The following SEC14L5 variants were observed in gnomAD, a reference collection of about 807,000 sequenced individuals.
SEC14L5 encodes the protein SEC14-like protein 5.
A neutral mutation model predicts 84.6 loss-of-function variants in SEC14L5; 96 were observed. The observed-to-expected ratio is 1.13, with a 90% CI of 0.96 to 1.34. The LOEUF (loss-of-function observed/expected upper bound fraction) is 1.34, where lower values mean the gene tolerates loss of function less well. Among genes scored for constraint, SEC14L5 ranks in the 40% most tolerant of loss-of-function variants. The pLI is 0.00. For synonymous variants in SEC14L5, 546 were observed against 383.4 expected, an observed-to-expected ratio of 1.42 and a Z score of -4.95; for missense variants, 1,224 against 942.5, an observed-to-expected ratio of 1.30 and a Z score of -3.91.
chr16:4,966,723 C>T (rs1400247605), intron 2 of SEC14L5, among the ~76,000 whole-genome samples: 1 of 152,144 alleles, frequency 6.6e-6, no homozygotes, highest in Non-Finnish European at 1.5e-5. Context: ...GGGGACTCAA[C>T]TTCAGGCAGT....
At chr16:5,000,263 C>A (rs183063648) in intron 8 of SEC14L5, among the ~76,000 whole-genome samples, 1 of 152,300 alleles carries the variant, frequency 6.6e-6, no homozygotes, top group African/African-American at 2.4e-5. Context: ...TGCACTCCAG[C>A]CTGGGTGACA....
intron 2 of SEC14L5, 56 bp from the exon 3 acceptor site, chr16:4,987,501 G>C (rs1215131366): frequency 3.5e-6 from 5 of 1,423,738 alleles, no homozygotes; most frequent in African/African-American, 3.1e-5. Flanking sequence ...TCGCGCTGGG[G>C]GGGGGGGTCC....
At position 4,988,230 on chromosome 16, in the gene SEC14L5, A is replaced by T. The variant is rs1955516273; in HGVS notation, c.295A>T (p.Asn99Tyr). 1 of 1,613,638 alleles carries T rather than the reference A, an allele frequency of 6.2e-7. No homozygotes were observed. Among genetic ancestry groups the T allele is most frequent in the Non-Finnish European group, 8.5e-7 (1 of 1,179,748 alleles). ...GAGGACGCTCCTCATCGAAGCGCAC[A>T]ATGAGACCTTCGCCAACCGCGTGGT... ...KERTLLIEAH[N>Y]ETFANRVVVN... is the part of the protein sequence containing the mutation. Residue 99 changes from asparagine (N) to tyrosine (Y), a missense_variant, in exon 4 of 16, where the codon AAT (asparagine) becomes TAT (tyrosine). Transcript: ENST00000251170.
At chr16:4,982,324 G>A (rs1263419074) in intron 2 of SEC14L5, among the ~76,000 whole-genome samples, 1 of 152,190 alleles carries the variant, frequency 6.6e-6, no homozygotes, top group African/African-American at 2.4e-5. Flanking sequence ...TCCGGGGCAC[G>A]TGGGCTGTGA....
In SEC14L5 at chr16:5,008,333, G is replaced by T. The variant is rs992549597; in HGVS notation, c.1573-88G>T. 33 of 917,776 alleles carry T rather than the reference G, an allele frequency of 3.6e-5. No homozygotes were observed. In the African/African-American group the frequency reaches 4.0e-4, roughly 11 times the overall value. 56.9% of individuals were successfully genotyped at this position (917,776 alleles called of 1,614,324 possible). ...TGCCTGGGAAAGGAGACCCCAGGGG[G>T]CACCCACAGCCCCTCCTGCCACTGT... is the stretch of plus-strand genomic sequence containing the variant. On this transcript the variant is annotated intron_variant, in intron 13 of 15. Coordinates refer to ENST00000251170, the MANE Select transcript of SEC14L5 (RefSeq NM_014692.2).
At chr16:5,006,792 C>T (rs563850812) in intron 12 of SEC14L5, among the ~76,000 whole-genome samples, 3 of 152,272 alleles carry the variant, frequency 2.0e-5, no homozygotes, top group East Asian at 1.9e-4. Context: ...TATGGAAAGA[C>T]ACTGAACAGT....
rs1176629298 is a variant in SEC14L5, at chr16:5,016,970, T to C, written c.*2000T>C. 1 of 152,260 alleles carries C rather than the reference T, an allele frequency of 6.6e-6. No individual in the cohort carries two copies. The highest frequency in any genetic ancestry group is 1.5e-5 in the Non-Finnish European group (1 of 68,040). The allele number at this position is 152,260 out of a possible 1,614,324, so 9.4% of individuals were successfully genotyped here. ...ACGTTCTCAAAACTAATTGCTCCCATATCACCAGGCATTTATTGCTGAGAG... is the reference window on the plus strand; with the variant it reads ...ACGTTCTCAAAACTAATTGCTCCCACATCACCAGGCATTTATTGCTGAGAG... On this transcript the variant is annotated 3_prime_UTR_variant, in exon 16 of 16. Transcript: ENST00000251170.
At position 4,992,021 on chromosome 16, in the gene SEC14L5, A is replaced by G. The variant is rs756805567; in HGVS notation, c.658A>G (p.Ser220Gly). Residue 220 changes from serine to glycine, a missense_variant, in exon 6 of 16, where the codon AGT becomes GGT. Ser to Gly is a moderately conservative substitution (Grantham distance 56). Transcript: ENST00000251170. ...STLGPALEAV[S>G]MDGDKLDADY... ...CCTGGGGCCCGCTCTGGAGGCGGTC[A>G]GTATGGACGGTAGGTGGTACAGCCC... is the stretch of plus-strand genomic sequence containing the variant. 8 of 1,567,932 alleles carry G rather than the reference A, an allele frequency of 5.1e-6. No individual in the cohort carries two copies. The African/African-American group carries it at 1.1e-4, about 21-fold the overall frequency.
At chr16:5,010,713 A>G (rs887522588) in intron 14 of SEC14L5, among the ~76,000 whole-genome samples, 2 of 152,028 alleles carry the variant, frequency 1.3e-5, no homozygotes, top group East Asian at 1.9e-4. Context: ...TCCCTCCACA[A>G]ATTCTCTCTA....
intron 6 of SEC14L5, among the ~76,000 whole-genome samples, chr16:4,994,568 T>G (rs1277851453): frequency 1.3e-5 from 2 of 152,148 alleles, no homozygotes; most frequent in Admixed American, 1.3e-4. Flanking sequence ...GGTCTCGAAC[T>G]CCTGACCTCA....
chr16:4,986,684 T>G (rs1198208349), intron 2 of SEC14L5, among the ~76,000 whole-genome samples: 1 of 152,242 alleles, frequency 6.6e-6, no homozygotes, highest in African/African-American at 2.4e-5. Flanking sequence ...CCTTTCCATT[T>G]ATTTAGGGCT....
chr16:4,998,221 T>G (rs11642243), intron 8 of SEC14L5, among the ~76,000 whole-genome samples: 8 of 151,118 alleles, frequency 5.3e-5, no homozygotes, highest in Middle Eastern at 6.3e-3. Context: ...GGCCAGGCTG[T>G]TCTTGGAACT....
intron 2 of SEC14L5, among the ~76,000 whole-genome samples, chr16:4,972,087 C>T (rs1272896200): frequency 6.6e-6 from 1 of 151,802 alleles, no homozygotes; most frequent in Non-Finnish European, 1.5e-5. Context: ...CTCACTACAG[C>T]CTCAACCTCC....
intron 13 of SEC14L5, among the ~76,000 whole-genome samples, chr16:5,008,025 A>T (rs1417620626): frequency 6.6e-6 from 1 of 150,538 alleles, no homozygotes; most frequent in Non-Finnish European, 1.5e-5. Flanking sequence ...CTTCTGCCTC[A>T]GCCTCCCGAG....
intron 11 of SEC14L5, among the ~76,000 whole-genome samples, chr16:5,004,095 G>A (rs896612550): frequency 1.3e-5 from 2 of 152,208 alleles, no homozygotes; most frequent in African/African-American, 4.8e-5. Context: ...ATGCTTTGGA[G>A]GAACTGAAGA....
intron 14 of SEC14L5, among the ~76,000 whole-genome samples, chr16:5,010,659 C>T (rs913513647): frequency 6.6e-6 from 1 of 152,150 alleles, no homozygotes. Context: ...CCCAAAGTGG[C>T]TCTTCTTGTA....
At chr16:4,967,284 C>T (rs893458406) in intron 2 of SEC14L5, among the ~76,000 whole-genome samples, 2 of 152,178 alleles carry the variant, frequency 1.3e-5, no homozygotes, top group African/African-American at 4.8e-5. Context: ...CCAGTCCTCA[C>T]ATAATGACTC....
chr16:4,984,119 A>G (rs1354126999), intron 2 of SEC14L5, among the ~76,000 whole-genome samples: 1 of 152,192 alleles, frequency 6.6e-6, no homozygotes, highest in Non-Finnish European at 1.5e-5. Context: ...AATCAGCTTT[A>G]GAATAGTCTC....
At chr16:4,969,057 T>A (rs1352422310) in intron 2 of SEC14L5, among the ~76,000 whole-genome samples, 2 of 152,258 alleles carry the variant, frequency 1.3e-5, no homozygotes, top group African/African-American at 2.4e-5. Flanking sequence ...TGAGTTTAAA[T>A]TAGCTCCCTG....
Sources: gnomAD v4.1 joint callset for allele counts (sites outside exome capture counted in the v4.1 genomes callset) on GRCh38, gnomAD v4.1.1 for gene constraint, MANE v1.5 for transcripts, NCBI Gene and HGNC (gene_info 2026-07-23, HGNC 2026-07-21) for gene names.